CSMD1: variants seen among roughly 807,000 people sequenced by gnomAD.
CSMD1 encodes CUB and Sushi multiple domains 1.
A neutral mutation model predicts 417.5 loss-of-function variants in CSMD1; 213 were observed. The ratio of observed to expected loss-of-function variants is 0.51; its 90% CI spans 0.46 to 0.57. The LOEUF (loss-of-function observed/expected upper bound fraction) is 0.57. CSMD1 is among the 20% of genes least tolerant of loss of function. The pLI, the probability that CSMD1 is intolerant of heterozygous loss-of-function variation, is 0.00. For synonymous variants in CSMD1, 2,862 were observed against 1,736.8 expected (o/e 1.65, Z -16.11); for missense variants, 6,923 against 4,529.7 (o/e 1.53, Z -15.17).
chr8:4,069,868 G>T (rs1464243654), intron 3 of CSMD1, among the ~76,000 whole-genome samples: 2 of 151,628 alleles, frequency 1.3e-5, no homozygotes, highest in Admixed American at 6.6e-5. Context: ...ATCCGGTACT[G>T]CAACAGTAAG....
intron 2 of CSMD1, among the ~76,000 whole-genome samples, chr8:4,562,650 T>C (rs1335897723): frequency 6.6e-6 from 1 of 152,162 alleles, no homozygotes; most frequent in African/African-American, 2.4e-5. Context: ...TCAGATTCTA[T>C]GGAGATCCAA....
chr8:4,674,327 T>C (rs758782198), intron 1 of CSMD1, among the ~76,000 whole-genome samples: 6 of 151,994 alleles, frequency 3.9e-5, no homozygotes, highest in Non-Finnish European at 7.4e-5. Context: ...AAAAAAATGC[T>C]AAGGAAGGTA....
At chr8:3,672,830 G>T (rs534089609) in intron 7 of CSMD1, among the ~76,000 whole-genome samples, 2 of 152,168 alleles carry the variant, frequency 1.3e-5, no homozygotes, top group South Asian at 4.1e-4. Flanking sequence ...ATTACCATGG[G>T]CAATAGACTT....
At chr8:3,079,649 T>G (rs544775013) in intron 49 of CSMD1, among the ~76,000 whole-genome samples, 1 of 152,176 alleles carries the variant, frequency 6.6e-6, no homozygotes, top group East Asian at 1.9e-4. Flanking sequence ...TGATGTTGTT[T>G]TAAAAATTTT....
intron 3 of CSMD1, among the ~76,000 whole-genome samples, chr8:4,240,259 G>A (rs938639801): frequency 1.3e-5 from 2 of 152,358 alleles, no homozygotes; most frequent in African/African-American, 4.8e-5. Context: ...GGGGCTGGCA[G>A]CCTTTTCACT....
chr8:4,504,551 G>A (rs10109216), intron 2 of CSMD1, among the ~76,000 whole-genome samples: 40,424 of 151,986 alleles, frequency 0.27, 6,164 homozygotes, highest in East Asian at 0.43. Context: ...TGCCATGATG[G>A]TTTGCTGCAC....
chr8:2,978,826 C>T (rs1805159349), intron 54 of CSMD1, 26 bp from the exon 55 acceptor site: 2 of 1,548,300 alleles, frequency 1.3e-6, no homozygotes, highest in Non-Finnish European at 1.7e-6. Flanking sequence ...TTTCACACAC[C>T]ATTTAGAAAC....
intron 3 of CSMD1, among the ~76,000 whole-genome samples, chr8:4,333,903 T>C (rs1285674902): frequency 3.3e-5 from 5 of 152,140 alleles, no homozygotes; most frequent in African/African-American, 7.2e-5. Context: ...TCTTTTTGTT[T>C]TGTTTTGAGA....
chr8:3,503,601 T>C (rs553136790), intron 10 of CSMD1, among the ~76,000 whole-genome samples: 3 of 152,210 alleles, frequency 2.0e-5, no homozygotes, highest in Non-Finnish European at 4.4e-5. Flanking sequence ...GTCCCTTTTG[T>C]CAGCTTTAAA....
chr8:3,241,429 G>A (rs1799511648), intron 26 of CSMD1, among the ~76,000 whole-genome samples: 1 of 152,140 alleles, frequency 6.6e-6, no homozygotes, highest in Non-Finnish European at 1.5e-5. Context: ...CTAAAGCTCG[G>A]CATCTGTGTT....
intron 2 of CSMD1, among the ~76,000 whole-genome samples, chr8:4,569,758 C>A (rs201817495): frequency 6.6e-6 from 1 of 152,102 alleles, no homozygotes. Context: ...AATATTGATT[C>A]TTTCTATCCA....
chr8:4,701,076 T>C (rs922491117), intron 1 of CSMD1, among the ~76,000 whole-genome samples: 2 of 152,114 alleles, frequency 1.3e-5, no homozygotes, highest in Admixed American at 6.5e-5. Context: ...ATGAGTTTTA[T>C]TGAAATTAAG....
intron 11 of CSMD1, among the ~76,000 whole-genome samples, chr8:3,473,703 T>G (rs1470210280): frequency 6.6e-6 from 1 of 152,222 alleles, no homozygotes; most frequent in Admixed American, 6.5e-5. Flanking sequence ...CATTTCATTA[T>G]AACAATGATG....
At chr8:3,928,019 A>G (rs1207234066) in intron 5 of CSMD1, among the ~76,000 whole-genome samples, 1 of 152,136 alleles carries the variant, frequency 6.6e-6, no homozygotes. Flanking sequence ...ATCTTTTCTA[A>G]TTGATGAACA....
intron 3 of CSMD1, among the ~76,000 whole-genome samples, chr8:4,171,697 T>A (rs149935416): frequency 6.0e-5 from 9 of 149,792 alleles, no homozygotes; most frequent in African/African-American, 2.0e-4. Context: ...AAAGTTAATT[T>A]GCTTATTCTG....
At chr8:4,256,642 G>A (rs1043011553) in intron 3 of CSMD1, among the ~76,000 whole-genome samples, 3 of 152,112 alleles carry the variant, frequency 2.0e-5, no homozygotes, top group Non-Finnish European at 2.9e-5. Flanking sequence ...GAAAGGGGGC[G>A]CCCCAAGTCA....
intron 2 of CSMD1, among the ~76,000 whole-genome samples, chr8:4,427,811 T>C (rs62481004): frequency 0.12 from 18,955 of 152,182 alleles, 1,490 homozygotes; most frequent in East Asian, 0.27. Context: ...CATACAAATA[T>C]ATGCATGTTT....
chr8:4,792,657 G>T (rs1381759009), intron 1 of CSMD1, among the ~76,000 whole-genome samples: 3 of 151,962 alleles, frequency 2.0e-5, no homozygotes, highest in East Asian at 3.9e-4. Context: ...GTAATTATAT[G>T]GGACACTCAA....
chr8:4,010,606 C>G (rs1006215927), intron 4 of CSMD1, among the ~76,000 whole-genome samples: 1 of 152,072 alleles, frequency 6.6e-6, no homozygotes, highest in Admixed American at 6.6e-5. Context: ...CTGAGCCCAA[C>G]TCTCCATACC....
Sources: allele counts gnomAD v4.1 joint callset (sites outside exome capture counted in the v4.1 genomes callset), GRCh38; gene constraint gnomAD v4.1.1; transcripts MANE v1.5; gene names NCBI Gene and HGNC (gene_info 2026-07-23, HGNC 2026-07-21).